MGAT5B: variants seen among roughly 807,000 people sequenced by gnomAD.
MGAT5B encodes N-acetylglucosaminyl-transferase Vb.
A neutral mutation model predicts 95.1 loss-of-function variants in MGAT5B; 54 were observed. The ratio of observed to expected loss-of-function variants is 0.57; its 90% CI spans 0.46 to 0.71. The LOEUF (loss-of-function observed/expected upper bound fraction) is 0.71. Ranked by LOEUF, MGAT5B falls within the 30% of genes least tolerant of loss-of-function variation. The pLI is 0.00. For synonymous variants in MGAT5B, 464 were observed against 451.0 expected, an observed-to-expected ratio of 1.03 and a Z score of -0.36; for missense variants, 935 against 1,088.6, an observed-to-expected ratio of 0.86 and a Z score of 1.99.
chr17:76,932,085 T>TCCCCCTCCTC (rs1969504171), intron 10 of MGAT5B, among the ~76,000 whole-genome samples: 1 of 121,894 alleles, frequency 8.2e-6, no homozygotes, highest in South Asian at 3.2e-4. Context: ...CTCCTCCTCC[T>TCCCCCTCCTC]CCCCCCCCCC....
rs1397147446 is a variant in MGAT5B at position 76,918,049 on chromosome 17, G to A, written c.1026-6917G>A. On this transcript the variant is annotated intron_variant, in intron 8 of 17. Transcript: ENST00000569840. The surrounding 1 kb of genome is among the most constrained non-coding windows in gnomAD (Gnocchi z 5.1). The stretch of plus-strand genomic sequence containing the variant: ...CTCCTCCAGCTCTCCTGGGAGCATG[G>A]CCCTATTCTTAGCACTGAGTTTGCT... Among the ~76,000 whole-genome samples the A allele has an allele frequency of 1.3e-5, 2 of 152,182 alleles. No homozygotes were observed. Among genetic ancestry groups the A allele is most frequent in the East Asian group, 3.9e-4 (2 of 5,194 alleles).
At chr17:76,881,297 C>T (rs981504071) in intron 2 of MGAT5B, among the ~76,000 whole-genome samples, 1 of 152,202 alleles carries the variant, frequency 6.6e-6, no homozygotes, top group South Asian at 2.1e-4. Context: ...ATAAGGTCTC[C>T]CCTCCCCAGG....
chr17:76,935,698 A>G lies in MGAT5B; in HGVS notation c.1429-2290A>G, dbSNP rs185436750. Among the ~76,000 whole-genome samples, 309 of 142,450 alleles carry G rather than the reference A, an allele frequency of 2.2e-3. 3 individuals are homozygous for G. Among genetic ancestry groups the G allele is most frequent in the African/African-American group, 7.8e-3 (301 of 38,584 alleles). The allele number at this position is 142,450 out of a possible 152,430, so 93.5% of individuals were successfully genotyped here. Reference sequence around the variant, plus strand: ...TATTTTCTTACTATGGAGTTGTTAGAGTTCTTTATATATCCTGGATCCAAG... The same window carrying G: ...TATTTTCTTACTATGGAGTTGTTAGGGTTCTTTATATATCCTGGATCCAAG... On this transcript the variant is annotated intron_variant, in intron 12 of 17. Coordinates refer to ENST00000569840, the MANE Select transcript of MGAT5B (RefSeq NM_001199172.2).
chr17:76,891,479 A>G (rs974561870), intron 3 of MGAT5B, among the ~76,000 whole-genome samples: 4 of 152,070 alleles, frequency 2.6e-5, no homozygotes, highest in South Asian at 2.1e-4. Context: ...TTCTGGGTTC[A>G]AGCGATTCTC....
intron 1 of MGAT5B, among the ~76,000 whole-genome samples, chr17:76,871,868 G>C (rs1282641755): frequency 1.3e-5 from 2 of 152,222 alleles, no homozygotes; most frequent in African/African-American, 2.4e-5. Flanking sequence ...CTGTGCTGGT[G>C]AGCTCAGCTT....
At chr17:76,926,451 G>A in intron 9 of MGAT5B, 146 bp from the exon 10 acceptor site, 2 of 743,956 alleles carry the variant, frequency 2.7e-6, no homozygotes, top group African/African-American at 1.7e-5. Flanking sequence ...ACACAGCAGG[G>A]CAGTGTCCTA....
intron 13 of MGAT5B, among the ~76,000 whole-genome samples, chr17:76,939,029 G>GGGGGTGTGTGT (rs1237086611): frequency 1.4e-4 from 18 of 128,258 alleles, no homozygotes; most frequent in African/African-American, 3.4e-4. Context: ...GCATCTTGGG[G>GGGGGTGTGTGT]GTGTGTGTGT....
Position 76,917,662 on chromosome 17 carries a change from C to T in MGAT5B, c.1026-7304C>T, listed in dbSNP as rs770807783. On this transcript the variant is annotated intron_variant, in intron 8 of 17. Transcript: ENST00000569840. The surrounding 1 kb of genome is among the most constrained non-coding windows in gnomAD (Gnocchi z 6.1). Reference sequence around the variant, plus strand: ...GCCCTCATCTCCCACTGAGACTGCTCGAGTGGGATTGACAGCGGAGTCTTA... The same window carrying T: ...GCCCTCATCTCCCACTGAGACTGCTTGAGTGGGATTGACAGCGGAGTCTTA... 5.3e-5 allele frequency among the ~76,000 whole-genome samples: 8 copies of T among 152,086 alleles called. No individual in the cohort carries two copies. Among genetic ancestry groups the T allele is most frequent in the Non-Finnish European group, 1.2e-4 (8 of 68,022 alleles).
chr17:76,871,618 T>C (rs1967015598), intron 1 of MGAT5B, among the ~76,000 whole-genome samples: 1 of 152,222 alleles, frequency 6.6e-6, no homozygotes, highest in Non-Finnish European at 1.5e-5. Context: ...ATAATGAAGA[T>C]TAAAATGCAT....
intron 15 of MGAT5B, among the ~76,000 whole-genome samples, chr17:76,942,337 G>T (rs1415783197): frequency 6.6e-6 from 1 of 152,154 alleles, no homozygotes; most frequent in Non-Finnish European, 1.5e-5. Flanking sequence ...AGAGCAGCCT[G>T]GCCAACATGG....
chr17:76,941,359 C>T (rs2145279186), intron 15 of MGAT5B, among the ~76,000 whole-genome samples: 1 of 152,302 alleles, frequency 6.6e-6, no homozygotes, highest in Admixed American at 6.5e-5. Flanking sequence ...TGTAGGTGCA[C>T]ATGTGTGGGC....
intron 3 of MGAT5B, among the ~76,000 whole-genome samples, chr17:76,891,062 T>G (rs963699625): frequency 5.3e-5 from 8 of 149,618 alleles, no homozygotes; most frequent in Non-Finnish European, 1.2e-4. Flanking sequence ...CCTCTCAGGT[T>G]CAAGCAATTC....
At chr17:76,946,740 A>G (rs1051376272) in intron 16 of MGAT5B, among the ~76,000 whole-genome samples, 1 of 152,244 alleles carries the variant, frequency 6.6e-6, no homozygotes, top group African/African-American at 2.4e-5. Context: ...CTTAGAAAAC[A>G]GTGGTTCGAA....
At position 76,896,658 on chromosome 17, in the gene MGAT5B, T is replaced by TG. The variant is rs148261460; in HGVS notation, c.330-5896dup. Among the ~76,000 whole-genome samples the TG allele has an allele frequency of 1.9e-3, 292 of 152,308 alleles. 5 individuals carry two copies. In the East Asian group the frequency reaches 0.04, roughly 21 times the overall value. On this transcript the variant is annotated intron_variant, in intron 3 of 17. Coordinates refer to ENST00000569840, the MANE Select transcript of MGAT5B (RefSeq NM_001199172.2). ...CTGTGTTCAGAGAGGTTAGGTAACT[T>TG]GCCTAAGGTCACACAAATGTGAAGT... is the stretch of plus-strand genomic sequence containing the variant.
Position 76,918,703 on chromosome 17 carries a change from C to T in MGAT5B, c.1026-6263C>T, listed in dbSNP as rs943154224. ...GGGGCTGCCCATGATACTTGGGAAA[C>T]GGGCACTGGTCAGGTTTGGAGGATT... On this transcript the variant is annotated intron_variant, in intron 8 of 17. Transcript: ENST00000569840. This position sits in a 1 kb window ranked among gnomAD's most constrained non-coding sequence, Gnocchi z 5.1. Among the ~76,000 whole-genome samples the T allele has an allele frequency of 1.8e-4, 27 of 152,152 alleles. No homozygotes were observed. Among genetic ancestry groups the T allele is most frequent in the African/African-American group, 5.6e-4 (23 of 41,434 alleles).
At position 76,934,718 on chromosome 17, in the gene MGAT5B, T is replaced by C. The variant is rs1417948307; in HGVS notation, c.1428+1421T>C. ...GAAGTCTGGAAAGAGAAACGTTTTATCTCTAGCGCTGGAACTTCTGTGATA... is the reference window on the plus strand; with the variant it reads ...GAAGTCTGGAAAGAGAAACGTTTTACCTCTAGCGCTGGAACTTCTGTGATA... On this transcript the variant is annotated intron_variant, in intron 12 of 17. Coordinates refer to ENST00000569840, the MANE Select transcript of MGAT5B (RefSeq NM_001199172.2). 3.3e-5 allele frequency among the ~76,000 whole-genome samples: 5 copies of C among 152,188 alleles called. No homozygotes were observed. In the South Asian group the frequency reaches 6.2e-4, roughly 19 times the overall value.
Position 76,938,403 on chromosome 17 carries a change from A to G in MGAT5B, c.1584+260A>G, listed in dbSNP as rs1340192034. ...CCGTGGCTCAGTGATGGGGAAGTAG[A>G]GTTGGACTGCCCATCCTCCCCCTTG... On this transcript the variant is annotated intron_variant, in intron 13 of 17. Transcript: ENST00000569840. The surrounding 1 kb of genome is among the most constrained non-coding windows in gnomAD (Gnocchi z 4.3). 6.6e-6 allele frequency among the ~76,000 whole-genome samples: 1 copy of G among 152,210 alleles called. No homozygotes were observed. Among genetic ancestry groups the G allele is most frequent in the Non-Finnish European group, 1.5e-5 (1 of 68,032 alleles).
At chr17:76,902,752 C>T (rs1252967490) in intron 4 of MGAT5B, 82 bp downstream of exon 4, 3 of 995,138 alleles carry the variant, frequency 3.0e-6, no homozygotes, top group East Asian at 2.7e-5. Flanking sequence ...GAGGGTGGGA[C>T]ACTTGGGGTG....
intron 3 of MGAT5B, among the ~76,000 whole-genome samples, chr17:76,899,822 G>A (rs555554130): frequency 3.9e-5 from 6 of 152,212 alleles, no homozygotes; most frequent in East Asian, 3.9e-4. Context: ...AGGCATTCTC[G>A]GTGGGAGCAC....
Sources: allele counts gnomAD v4.1 joint callset (sites outside exome capture counted in the v4.1 genomes callset), GRCh38; gene constraint gnomAD v4.1.1; non-coding constraint Gnocchi (gnomAD v3.1); transcripts MANE v1.5; gene names NCBI Gene and HGNC (gene_info 2026-07-23, HGNC 2026-07-21).